Variants in CCDC9 observed in about 807,000 individuals in gnomAD.
CCDC9 encodes the protein coiled-coil domain-containing protein 9.
CCDC9 carries 52 observed loss-of-function variants against 65.6 expected under a neutral mutation model. The ratio of observed to expected loss-of-function variants is 0.79; its 90% CI spans 0.63 to 1.00. The LOEUF (loss-of-function observed/expected upper bound fraction) is 1.00, where lower values mean the gene tolerates loss of function less well. CCDC9 is among the 50% of genes least tolerant of loss of function. The pLI, the probability that CCDC9 is intolerant of heterozygous loss-of-function variation, is 0.00. For synonymous variants in CCDC9, 332 were observed against 280.3 expected (o/e 1.18, Z -1.84); for missense variants, 834 against 757.2 (o/e 1.10, Z -1.19).
intron 5 of CCDC9, among the ~76,000 whole-genome samples, chr19:47,261,690 C>T (rs147051778): frequency 0.013 from 1,555 of 122,132 alleles, 13 homozygotes; most frequent in Middle Eastern, 0.044. Context: ...CCAGCCTGGG[C>T]GACAGAATGA....
intron 8 of CCDC9, among the ~76,000 whole-genome samples, chr19:47,267,794 C>T (rs758561322): frequency 4.6e-5 from 7 of 152,170 alleles, no homozygotes; most frequent in Non-Finnish European, 7.3e-5. Context: ...AGCCTCTGAC[C>T]TGTCCCCAGC....
intron 5 of CCDC9, among the ~76,000 whole-genome samples, chr19:47,263,116 A>G (rs1341797237): frequency 6.6e-6 from 1 of 151,786 alleles, no homozygotes; most frequent in Non-Finnish European, 1.5e-5. Flanking sequence ...AAAAAAAATC[A>G]ATAAATTTTT....
chr19:47,264,855 G>T lies in CCDC9; in HGVS notation c.629G>T (p.Arg210Leu). The T allele has an allele frequency of 6.6e-7, 1 of 1,507,772 alleles. No individual in the cohort carries two copies. 93.4% of individuals were successfully genotyped at this position (1,507,772 alleles called of 1,614,324 possible). The change falls in exon 7 of 12, where the codon CGG becomes CTG. Residue 210 changes from arginine (R) to leucine (L), a missense_variant. Transcript: ENST00000221922. ...RRSGPLEESERDRREESRRHG... is the reference protein window; with the variant it reads ...RRSGPLEESELDRREESRRHG... Reference sequence around the variant, plus strand: ...AGCGGGCCCCTGGAGGAGTCTGAGCGGGACCGCCGGGAGGAGAGCCGCCGG... The same window carrying T: ...AGCGGGCCCCTGGAGGAGTCTGAGCTGGACCGCCGGGAGGAGAGCCGCCGG...
intron 5 of CCDC9, 45 bp downstream of exon 5, chr19:47,260,884 T>G (rs1555802409): frequency 6.3e-7 from 1 of 1,577,034 alleles, no homozygotes; most frequent in South Asian, 1.2e-5. Context: ...GGTTCTCTGT[T>G]GTCTGTTTCT....
At position 47,264,832 on chromosome 19, in the gene CCDC9, C is replaced by T. The variant is rs754150222; in HGVS notation, c.606C>T (p.Ser202=). Residue 202 remains serine, a synonymous_variant, in exon 7 of 12, where the codon AGC becomes AGT. Coordinates refer to ENST00000221922, the MANE Select transcript of CCDC9 (RefSeq NM_015603.3). ...RNFLDDPRRR[S]GPLEESERDR... ...TCCTGGACGACCCCCGGCGACGCAG[C>T]GGGCCCCTGGAGGAGTCTGAGCGGG... The T allele has an allele frequency of 5.1e-6, 8 of 1,553,644 alleles. No homozygotes were observed. The East Asian group carries it at 6.8e-5, about 13-fold the overall frequency.
chr19:47,274,869 TGGG>T, downstream of CCDC9: 1 of 804,776 alleles, frequency 1.2e-6, no homozygotes, highest in Non-Finnish European at 1.4e-6. Flanking sequence ...CGGGGCCTGG[TGGG>T]GGCGGGGCCT....
At chr19:47,275,327 G>A (rs1468105894), downstream of CCDC9, 4 of 1,545,676 alleles carry the variant, frequency 2.6e-6, no homozygotes, top group Non-Finnish European at 3.5e-6. Context: ...CAGAGGCCGC[G>A]GAGGGGCGAA....
rs193035504 is a variant in CCDC9, at chr19:47,264,387, C to T, written c.463-216C>T. Among the ~76,000 whole-genome samples, 413 of 152,292 alleles carry T rather than the reference C, an allele frequency of 2.7e-3. 4 individuals carry two copies. The highest frequency in any genetic ancestry group is 9.2e-3 in the African/African-American group (382 of 41,564). ...AATTCCAGACCCCCCAGTAGGAAGG[C>T]GAATGCAGCGTACAGCGTGTTGTTC... On this transcript the variant is annotated intron_variant, in intron 5 of 11. Transcript: ENST00000221922.
intron 8 of CCDC9, among the ~76,000 whole-genome samples, chr19:47,270,093 C>T (rs905606922): frequency 2.6e-5 from 4 of 151,928 alleles, no homozygotes; most frequent in African/African-American, 7.3e-5. Flanking sequence ...CTCAGCCTCC[C>T]GAGTAGCTGA....
downstream of CCDC9, chr19:47,273,891 TTC>T (rs1210635402): frequency 1.3e-5 from 11 of 848,202 alleles, no homozygotes; most frequent in East Asian, 1.2e-3. Flanking sequence ...TGGCGGGCTT[TTC>T]TGTGGCGGAA....
At chr19:47,260,068 C>T (rs181776091) in intron 3 of CCDC9, among the ~76,000 whole-genome samples, 158 of 152,186 alleles carry the variant, frequency 1.0e-3, no homozygotes, top group African/African-American at 3.7e-3. Flanking sequence ...GAGATGAGGT[C>T]GGGGAGGTAC....
At position 47,264,632 on chromosome 19, in the gene CCDC9, T is replaced by C. The variant is rs1600282991; in HGVS notation, c.492T>C (p.Ile164=). ...KEWEERRRQN[I]EKMNEEMEKI... ...GGGAGGAGCGGCGCAGGCAGAACATTGAGAAGATGAATGAGGAGATGGAGA... is the reference window on the plus strand; with the variant it reads ...GGGAGGAGCGGCGCAGGCAGAACATCGAGAAGATGAATGAGGAGATGGAGA... Residue 164 remains isoleucine (I), a synonymous_variant, in exon 6 of 12, where the codon ATT becomes ATC. Transcript: ENST00000221922. 6.2e-7 allele frequency: 1 copy of C among 1,603,484 alleles called. No individual in the cohort carries two copies. Among genetic ancestry groups the C allele is most frequent in the Non-Finnish European group, 8.5e-7 (1 of 1,175,226 alleles).
intron 10 of CCDC9, 38 bp from the exon 11 acceptor site, chr19:47,271,044 C>T: frequency 2.1e-6 from 3 of 1,447,478 alleles, no homozygotes; most frequent in Non-Finnish European, 2.8e-6. Context: ...CCTGTCTACT[C>T]TCCACCCAGG....
chr19:47,264,600 C>G lies in CCDC9; in HGVS notation c.463-3C>G. On this transcript the variant is annotated splice_polypyrimidine_tract_variant and splice_region_variant and intron_variant, in intron 5 of 11. Transcript: ENST00000221922. The stretch of plus-strand genomic sequence containing the variant: ...CTGGGTGTCCCTATCTTTATCCCCC[C>G]AGGAGTGGGAGGAGCGGCGCAGGCA... 1.3e-6 allele frequency: 2 copies of G among 1,592,166 alleles called. No homozygotes were observed. The highest frequency in any genetic ancestry group is 1.7e-4 in the Middle Eastern group (1 of 6,014).
At chr19:47,272,124 C>T, downstream of CCDC9, 2 of 1,236,382 alleles carry the variant, frequency 1.6e-6, no homozygotes, top group Non-Finnish European at 2.0e-6. Flanking sequence ...TCCGAGGAAC[C>T]CAGGAAGCTG....
downstream of CCDC9, chr19:47,272,246 G>A: frequency 1.1e-6 from 1 of 909,520 alleles, no homozygotes; most frequent in Non-Finnish European, 1.4e-6. Context: ...GGGGGAGTGG[G>A]GTGAATGTGT....
intron 3 of CCDC9, among the ~76,000 whole-genome samples, chr19:47,259,677 C>T (rs886419920): frequency 1.3e-5 from 2 of 152,160 alleles, no homozygotes; most frequent in Non-Finnish European, 2.9e-5. Flanking sequence ...TTGAATTTCC[C>T]TTGTGGGCCA....
intron 5 of CCDC9, among the ~76,000 whole-genome samples, chr19:47,261,711 C>CAAAAAAA (rs758107358): frequency 2.0e-5 from 1 of 50,158 alleles, no homozygotes; most frequent in Non-Finnish European, 3.5e-5. Flanking sequence ...GACTCTGTAT[C>CAAAAAAA]AAAAAAAAAA....
chr19:47,260,624 A>T lies in CCDC9; in HGVS notation c.247A>T (p.Thr83Ser). 6.6e-7 allele frequency: 1 copy of T among 1,523,488 alleles called. No individual in the cohort carries two copies. Among genetic ancestry groups the T allele is most frequent in the Non-Finnish European group, 8.7e-7 (1 of 1,145,028 alleles). The allele number at this position is 1,523,488 out of a possible 1,614,324, so 94.4% of individuals were successfully genotyped here. A position where few individuals can be genotyped will look rare whatever the true frequency, so the allele number is the denominator to read the frequency against. The change falls in exon 5 of 12, where the codon ACC becomes TCC. Residue 83 changes from threonine (T) to serine (S), a missense_variant. Thr to Ser is a moderately conservative substitution (Grantham distance 58). Transcript: ENST00000221922. ...GGGTCCTTCCCGGAGGTCTCCTGGG[A>T]CCCCTCGGCCCCCAGGGGCCAGCAA... ...NLGPSRRSPG[T>S]PRPPGASKGG...
Sources: allele counts gnomAD v4.1 joint callset (sites outside exome capture counted in the v4.1 genomes callset), GRCh38; gene constraint gnomAD v4.1.1; transcripts MANE v1.5; gene names NCBI Gene and HGNC (gene_info 2026-07-23, HGNC 2026-07-21).